NCOA3: variants seen among roughly 807,000 people sequenced by gnomAD.
NCOA3 encodes CBP-interacting protein.
NCOA3 carries 51 observed loss-of-function variants against 158.8 expected under a neutral mutation model. The ratio of observed to expected loss-of-function variants is 0.32; its 90% CI spans 0.26 to 0.41. The LOEUF is 0.41. Ranked by LOEUF, NCOA3 falls within the 10% of genes least tolerant of loss-of-function variation. NCOA3 has a pLI of 1.00. For synonymous variants in NCOA3, 537 were observed against 592.4 expected, an observed-to-expected ratio of 0.91 and a Z score of 1.36; for missense variants, 1,510 against 1,746.6, an observed-to-expected ratio of 0.86 and a Z score of 2.41.
chr20:47,561,798 G>A (rs921404551), intron 1 of NCOA3, among the ~76,000 whole-genome samples: 2 of 151,990 alleles, frequency 1.3e-5, no homozygotes, highest in Non-Finnish European at 2.9e-5. Flanking sequence ...GCTTACATTA[G>A]GGTTAATTCA....
intron 2 of NCOA3, among the ~76,000 whole-genome samples, chr20:47,594,220 C>G (rs1226835932): frequency 2.0e-5 from 3 of 152,090 alleles, no homozygotes; most frequent in Non-Finnish European, 4.4e-5. Context: ...TCATAATGAC[C>G]AGTTCACTTG....
chr20:47,619,926 G>A (rs1172888270), intron 2 of NCOA3, among the ~76,000 whole-genome samples: 2 of 151,540 alleles, frequency 1.3e-5, no homozygotes, highest in African/African-American at 4.8e-5. Flanking sequence ...CTCCCAAGTA[G>A]CTGGGACTAC....
chr20:47,527,458 A>G (rs1323023226), intron 1 of NCOA3, among the ~76,000 whole-genome samples: 2 of 152,008 alleles, frequency 1.3e-5, no homozygotes, highest in Non-Finnish European at 2.9e-5. Context: ...ATGTTGTTGC[A>G]TATATGAGTT....
chr20:47,621,554 G>A (rs1435829643), intron 2 of NCOA3, among the ~76,000 whole-genome samples: 1 of 151,506 alleles, frequency 6.6e-6, no homozygotes, highest in Non-Finnish European at 1.5e-5. Flanking sequence ...TGAGGGCTTA[G>A]TAGATGTCTT....
intron 1 of NCOA3, among the ~76,000 whole-genome samples, chr20:47,522,406 C>CTT (rs3091963): frequency 2.6e-4 from 33 of 128,134 alleles, no homozygotes; most frequent in South Asian, 5.0e-4. Flanking sequence ...GCGCCCGGCC[C>CTT]TTTTTTTTTT....
intron 1 of NCOA3, among the ~76,000 whole-genome samples, chr20:47,515,028 TAAA>T (rs60100539): frequency 6.9e-6 from 1 of 145,548 alleles, no homozygotes; most frequent in Middle Eastern, 3.5e-3. Flanking sequence ...TCATTTGTGT[TAAA>T]AAAAAAAAAT....
At chr20:47,541,067 A>G (rs935233454) in intron 1 of NCOA3, among the ~76,000 whole-genome samples, 2 of 152,008 alleles carry the variant, frequency 1.3e-5, no homozygotes, top group African/African-American at 4.8e-5. Context: ...CATGCTTTCT[A>G]CATGTATTTG....
intron 1 of NCOA3, among the ~76,000 whole-genome samples, chr20:47,571,969 C>CT (rs1030175844): frequency 6.6e-6 from 1 of 152,234 alleles, no homozygotes; most frequent in African/African-American, 2.4e-5. Context: ...CTCAAGTGAT[C>CT]TGCCTGCCTT....
chr20:47,563,962 C>T (rs944141196), intron 1 of NCOA3, among the ~76,000 whole-genome samples: 3 of 150,752 alleles, frequency 2.0e-5, no homozygotes, highest in Admixed American at 6.6e-5. Context: ...GAGTTTGAGA[C>T]CAGCCTGAGC....
intron 1 of NCOA3, among the ~76,000 whole-genome samples, chr20:47,550,134 A>ATTT (rs3092339): frequency 1.4e-5 from 2 of 144,592 alleles, no homozygotes; most frequent in South Asian, 2.2e-4. Context: ...TTGTATTTCA[A>ATTT]TTTTTTTTTT....
At chr20:47,550,730 A>G (rs926867405) in intron 1 of NCOA3, among the ~76,000 whole-genome samples, 3 of 152,192 alleles carry the variant, frequency 2.0e-5, no homozygotes, top group African/African-American at 7.2e-5. Context: ...AACTCCTTCC[A>G]TGTATTTAAT....
intron 2 of NCOA3, among the ~76,000 whole-genome samples, chr20:47,612,017 G>T (rs1241335147): frequency 6.6e-6 from 1 of 152,162 alleles, no homozygotes; most frequent in African/African-American, 2.4e-5. Flanking sequence ...TGTAGAGACG[G>T]CGTTTTGCCA....
intron 1 of NCOA3, among the ~76,000 whole-genome samples, chr20:47,566,413 G>C (rs2085196142): frequency 6.6e-6 from 1 of 152,130 alleles, no homozygotes; most frequent in Non-Finnish European, 1.5e-5. Context: ...CGTGTGGTTG[G>C]TTCCTTTTAG....
intron 2 of NCOA3, among the ~76,000 whole-genome samples, chr20:47,600,718 G>A (rs2085846838): frequency 1.4e-5 from 2 of 147,628 alleles, no homozygotes; most frequent in Admixed American, 1.4e-4. Context: ...GTTTTGCCAT[G>A]TTGCCCAGTC....
At chr20:47,618,512 G>A (rs1602494171) in intron 2 of NCOA3, among the ~76,000 whole-genome samples, 1 of 151,840 alleles carries the variant, frequency 6.6e-6, no homozygotes, top group African/African-American at 2.4e-5. Context: ...GCACCACCAC[G>A]TTTGGCTAAT....
At chr20:47,596,328 A>G (rs2146250868) in intron 2 of NCOA3, among the ~76,000 whole-genome samples, 1 of 152,296 alleles carries the variant, frequency 6.6e-6, no homozygotes, top group Non-Finnish European at 1.5e-5. Context: ...AGATCCAACC[A>G]TGTTGTGTAT....
At chr20:47,597,606 A>T (rs1272668407) in intron 2 of NCOA3, among the ~76,000 whole-genome samples, 1 of 150,664 alleles carries the variant, frequency 6.6e-6, no homozygotes, top group Non-Finnish European at 1.5e-5. Context: ...CTCCTGCCTC[A>T]GCCTCCCGAG....
At chr20:47,597,059 A>G (rs1458638263) in intron 2 of NCOA3, among the ~76,000 whole-genome samples, 4 of 152,238 alleles carry the variant, frequency 2.6e-5, no homozygotes, top group African/African-American at 9.6e-5. Flanking sequence ...TACATACAAA[A>G]TATTTACCAA....
At chr20:47,609,511 C>G (rs79421346) in intron 2 of NCOA3, among the ~76,000 whole-genome samples, 10,346 of 152,108 alleles carry the variant, frequency 0.068, 454 homozygotes, top group Non-Finnish European at 0.097. Flanking sequence ...GATCATGTCA[C>G]GAGGTCAGGA....
Sources: gnomAD v4.1 joint callset for allele counts (sites outside exome capture counted in the v4.1 genomes callset) on GRCh38, gnomAD v4.1.1 for gene constraint, MANE v1.5 for transcripts, NCBI Gene and HGNC (gene_info 2026-07-23, HGNC 2026-07-21) for gene names.